NLRC4: variants seen among roughly 807,000 people sequenced by gnomAD.
The protein encoded by NLRC4 is NLR family CARD domain containing 4.
Under a neutral mutation model 79.9 loss-of-function variants are expected in NLRC4, and 63 were observed. The ratio of observed to expected loss-of-function variants is 0.79; its 90% CI spans 0.64 to 0.97. The LOEUF (loss-of-function observed/expected upper bound fraction) is 0.97. Ranked by LOEUF, NLRC4 falls within the 50% of genes least tolerant of loss-of-function variation. The pLI is 0.00. For synonymous variants in NLRC4, 461 were observed against 456.5 expected, an observed-to-expected ratio of 1.01 and a Z score of -0.12; for missense variants, 1,074 against 1,215.2, an observed-to-expected ratio of 0.88 and a Z score of 1.73.
At chr2:32,260,181 A>G (rs1687306892) in intron 1 of NLRC4, among the ~76,000 whole-genome samples, 2 of 138,788 alleles carry the variant, frequency 1.4e-5, no homozygotes, top group African/African-American at 5.2e-5. Context: ...GTGAGCCAAG[A>G]TCGTGCCACC....
At chr2:32,246,700 C>G (rs963109801) in intron 4 of NLRC4, among the ~76,000 whole-genome samples, 9 of 152,242 alleles carry the variant, frequency 5.9e-5, no homozygotes, top group African/African-American at 2.2e-4. Context: ...AAAGATTGCC[C>G]TCGCATATCT....
At chr2:32,239,645 C>CT (rs1686750809) in intron 5 of NLRC4, among the ~76,000 whole-genome samples, 1 of 152,188 alleles carries the variant, frequency 6.6e-6, no homozygotes, top group Non-Finnish European at 1.5e-5. Context: ...CAGAGTAACT[C>CT]TTTAATAAAG....
rs989314093 is a variant in NLRC4 at position 32,264,759 on chromosome 2, C to T, written c.-140G>A. ...GTACCTGGCTGAGCAATCCAATTGC[C>T]CTCTTCTTGGGAGACCAAGACATGT... On this transcript the variant is annotated 5_prime_UTR_variant, in exon 1 of 9. Transcript: ENST00000402280. The T allele has an allele frequency of 6.6e-6, 1 of 152,042 alleles. No individual in the cohort carries two copies. The highest frequency in any genetic ancestry group is 2.4e-5 in the African/African-American group (1 of 41,382). The allele number at this position is 152,042 out of a possible 1,614,324, so 9.4% of individuals were successfully genotyped here. A position where few individuals can be genotyped will look rare whatever the true frequency, so the allele number is the denominator to read the frequency against.
Position 32,244,955 on chromosome 2 carries a change from C to T in NLRC4, c.2258-3830G>A, listed in dbSNP as rs561567153. ...AGAAGAGAAAAAATTAGTGAGGTAG[C>T]GAGGTGTGGTGGCACATGTCAGTGG... On this transcript the variant is annotated intron_variant, in intron 4 of 8. Transcript: ENST00000402280. 3.3e-5 allele frequency among the ~76,000 whole-genome samples: 5 copies of T among 151,752 alleles called. No homozygotes were observed. The East Asian group carries it at 7.8e-4, about 24-fold the overall frequency.
intron 4 of NLRC4, among the ~76,000 whole-genome samples, chr2:32,243,006 C>T (rs982935032): frequency 2.0e-5 from 3 of 151,820 alleles, no homozygotes; most frequent in Admixed American, 2.0e-4. Context: ...TGTGATGACA[C>T]CACTGCACTC....
chr2:32,227,277 TC>T (rs894539892), intron 8 of NLRC4, among the ~76,000 whole-genome samples: 1 of 152,218 alleles, frequency 6.6e-6, no homozygotes, highest in African/African-American at 2.4e-5. Context: ...AGAATCAAGT[TC>T]TGCCTTCTGT....
At position 32,250,946 on chromosome 2, in the gene NLRC4, C is replaced by T. The variant is rs998499450; in HGVS notation, c.918G>A (p.Gln306=). 5 of 1,613,900 alleles carry T rather than the reference C, an allele frequency of 3.1e-6. No individual in the cohort carries two copies. The African/African-American group carries it at 5.3e-5, about 17-fold the overall frequency. ...TGATCAGCACTTCTCGGATGAGAGC[C>T]TGGGCGCTGTCTTCTGTCATATCCC... is the stretch of plus-strand genomic sequence containing the variant. ...EVGDMTEDSA[Q]ALIREVLIKE... The change falls in exon 4 of 9, where the codon CAG becomes CAA. Residue 306 remains glutamine (Q), a synonymous_variant. Coordinates refer to ENST00000402280, the MANE Select transcript of NLRC4 (RefSeq NM_001199138.2). This position sits in a 1 kb window ranked among gnomAD's most constrained non-coding sequence, Gnocchi z 4.9.
intron 6 of NLRC4, among the ~76,000 whole-genome samples, 157 bp downstream of exon 6, chr2:32,237,975 A>G (rs1353330229): frequency 6.6e-6 from 1 of 152,230 alleles, no homozygotes; most frequent in Non-Finnish European, 1.5e-5. Flanking sequence ...ATATGGAGAA[A>G]AATCATTAAA....
At chr2:32,261,241 C>T (rs1281402764) in intron 1 of NLRC4, among the ~76,000 whole-genome samples, 1 of 150,090 alleles carries the variant, frequency 6.7e-6, no homozygotes, top group Non-Finnish European at 1.5e-5. Flanking sequence ...AAACCACTCA[C>T]TCAGGTTCCC....
At chr2:32,238,450 G>A (rs1426945078) in intron 5 of NLRC4, 148 bp from the exon 6 acceptor site, 7 of 666,708 alleles carry the variant, frequency 1.0e-5, no homozygotes, top group Admixed American at 3.3e-5. Context: ...AAGAATCAAC[G>A]AGAGCTTTTT....
At chr2:32,227,603 TAAG>T (rs1255652285) in intron 8 of NLRC4, among the ~76,000 whole-genome samples, 4 of 152,318 alleles carry the variant, frequency 2.6e-5, no homozygotes, top group African/African-American at 9.6e-5. Flanking sequence ...AAAAGGAATT[TAAG>T]AAGAATTTAA....
chr2:32,226,648 A>T (rs944771004), intron 8 of NLRC4, among the ~76,000 whole-genome samples: 1 of 152,218 alleles, frequency 6.6e-6, no homozygotes, highest in East Asian at 1.9e-4. Context: ...TGGGAGGCCA[A>T]GGCGGGCAGA....
chr2:32,226,611 T>C (rs1428759531), intron 8 of NLRC4, among the ~76,000 whole-genome samples: 2 of 152,212 alleles, frequency 1.3e-5, no homozygotes, highest in Admixed American at 6.5e-5. Context: ...CCGGGTGCGG[T>C]GGCTCATGCC....
intron 1 of NLRC4, among the ~76,000 whole-genome samples, chr2:32,258,974 C>T (rs1008963872): frequency 6.6e-6 from 1 of 152,092 alleles, no homozygotes; most frequent in African/African-American, 2.4e-5. Context: ...GGGAAGAGAA[C>T]TAGAATCACT....
At position 32,235,476 on chromosome 2, in the gene NLRC4, A is replaced by G. The variant is rs1558448317; in HGVS notation, c.2707T>C (p.Leu903=). 1.9e-6 allele frequency: 3 copies of G among 1,614,138 alleles called. No homozygotes were observed. Among genetic ancestry groups the G allele is most frequent in the Non-Finnish European group, 1.7e-6 (2 of 1,179,968 alleles). The part of the protein sequence containing the change: ...QGSLSSLLKH[L]EEVPQLVKLG... Reference sequence around the variant, plus strand: ...TTGACGAGTTGTGGGACCTCCTCCAAATGTTTCAACAGGCTGCTCAGGCTG... The same window carrying G: ...TTGACGAGTTGTGGGACCTCCTCCAGATGTTTCAACAGGCTGCTCAGGCTG... Residue 903 remains leucine (L), a synonymous_variant, in exon 8 of 9, where the codon TTG becomes CTG. Coordinates refer to ENST00000402280, the MANE Select transcript of NLRC4 (RefSeq NM_001199138.2).
At chr2:32,262,853 G>A (rs1032665872) in intron 1 of NLRC4, among the ~76,000 whole-genome samples, 10 of 151,162 alleles carry the variant, frequency 6.6e-5, no homozygotes, top group Admixed American at 2.6e-4. Context: ...ACCCCTCCCC[G>A]CAAGCTGTCC....
At chr2:32,251,647 C>T in intron 3 of NLRC4, 46 bp from the exon 4 acceptor site, 1 of 1,318,774 alleles carries the variant, frequency 7.6e-7, no homozygotes, top group Non-Finnish European at 1.1e-6. Flanking sequence ...TTCTGTGTCT[C>T]CTCAAAACCT....
chr2:32,256,683 A>G, intron 2 of NLRC4, 92 bp downstream of exon 2: 1 of 762,008 alleles, frequency 1.3e-6, no homozygotes, highest in Non-Finnish European at 2.4e-6. Flanking sequence ...ATGACTGGTC[A>G]GAGGAAGCCA....
chr2:32,245,725 A>G (rs1283621009), intron 4 of NLRC4, among the ~76,000 whole-genome samples: 2 of 152,224 alleles, frequency 1.3e-5, no homozygotes, highest in Non-Finnish European at 2.9e-5. Flanking sequence ...CATCTCATGT[A>G]CCCCATAAAT....
Sources: gnomAD v4.1 joint callset for allele counts (sites outside exome capture counted in the v4.1 genomes callset) on GRCh38, gnomAD v4.1.1 for gene constraint, Gnocchi (gnomAD v3.1) non-coding constraint, MANE v1.5 for transcripts, NCBI Gene and HGNC (gene_info 2026-07-23, HGNC 2026-07-21) for gene names.